The following PEX5L variants were observed in gnomAD, a reference collection of about 807,000 sequenced individuals.
PEX5L encodes the protein PEX5-related protein.
Under a neutral mutation model 84.0 loss-of-function variants are expected in PEX5L, and 30 were observed. The observed-to-expected ratio is 0.36, with a 90% CI of 0.27 to 0.48. PEX5L has a LOEUF of 0.48. Ranked by LOEUF, PEX5L falls within the 20% of genes least tolerant of loss-of-function variation. The pLI, the probability that PEX5L is intolerant of heterozygous loss-of-function variation, is 0.99. For missense variants in PEX5L, 533 were observed against 754.6 expected, an observed-to-expected ratio of 0.71 and a Z score of 3.44; for synonymous variants, 270 against 283.1, an observed-to-expected ratio of 0.95 and a Z score of 0.46.
At chr3:180,026,012 T>G (rs1023317681) in intron 1 of PEX5L, among the ~76,000 whole-genome samples, 2 of 152,162 alleles carry the variant, frequency 1.3e-5, no homozygotes, top group Non-Finnish European at 2.9e-5. Context: ...GAAGCCATGG[T>G]TTGAACTTGG....
intron 2 of PEX5L, among the ~76,000 whole-genome samples, chr3:179,937,326 T>A (rs1426978792): frequency 6.6e-6 from 1 of 152,152 alleles, no homozygotes; most frequent in Non-Finnish European, 1.5e-5. Context: ...TAATGTAAGA[T>A]GTTAACAGTA....
intron 7 of PEX5L, among the ~76,000 whole-genome samples, 178 bp from the exon 8 acceptor site, chr3:179,859,335 A>C (rs1397306504): frequency 6.6e-6 from 1 of 152,142 alleles, no homozygotes; most frequent in Non-Finnish European, 1.5e-5. Context: ...TGCTGTCAAA[A>C]TGTGTGTGAG....
intron 3 of PEX5L, among the ~76,000 whole-genome samples, chr3:179,897,146 T>C (rs1466768173): frequency 6.6e-6 from 1 of 152,170 alleles, no homozygotes. Context: ...TCCGCTGATA[T>C]TCTAAAAATA....
At position 179,854,732 on chromosome 3, in the gene PEX5L, A is replaced by T. The variant is rs572763936; in HGVS notation, c.822+4330T>A. On this transcript the variant is annotated intron_variant, in intron 8 of 14. Transcript: ENST00000467460. ...TCATTCATCCATCCATTCAGTCAAC[A>T]AATATTTATTGATTATTCGTAGGCA... Among the ~76,000 whole-genome samples, 51 of 152,342 alleles carry T rather than the reference A, an allele frequency of 3.3e-4. No individual in the cohort carries two copies. In the South Asian group the frequency reaches 1.0e-2, roughly 30 times the overall value.
chr3:179,810,175 A>G (rs1296965695), intron 11 of PEX5L, among the ~76,000 whole-genome samples: 1 of 151,582 alleles, frequency 6.6e-6, no homozygotes, highest in African/African-American at 2.4e-5. Context: ...ACACCCAGCT[A>G]ATTTTGTATT....
chr3:179,898,159 G>A lies in PEX5L; in HGVS notation c.181C>T (p.Leu61Phe), dbSNP rs779102712. Residue 61 changes from leucine to phenylalanine, a missense_variant, in exon 3 of 15, where the codon CTT (leucine) becomes TTT (phenylalanine). Transcript: ENST00000467460. Reference protein sequence around the residue: ...REESAEEKPLLTMTSQLVNEQ... With the variant: ...REESAEEKPLFTMTSQLVNEQ... ...CTGCCCACCTGTGATGTCATAGTAA[G>A]GAGGGGCTTTTCTTCAGCAGACTCC... The A allele has an allele frequency of 6.2e-7, 1 of 1,611,792 alleles. No homozygotes were observed. The highest frequency in any genetic ancestry group is 8.5e-7 in the Non-Finnish European group (1 of 1,178,046).
intron 2 of PEX5L, among the ~76,000 whole-genome samples, chr3:179,965,182 A>G (rs1285564524): frequency 1.3e-5 from 2 of 152,250 alleles, no homozygotes; most frequent in Non-Finnish European, 2.9e-5. Context: ...CCGAATGTCT[A>G]ATAGTAAACC....
chr3:179,988,367 C>T (rs1453304390), intron 1 of PEX5L, among the ~76,000 whole-genome samples: 4 of 145,374 alleles, frequency 2.8e-5, no homozygotes, highest in East Asian at 2.0e-4. Context: ...TGCCACTGGG[C>T]GACAGAGTGA....
At chr3:179,870,166 A>C (rs1384307166) in intron 7 of PEX5L, among the ~76,000 whole-genome samples, 1 of 152,238 alleles carries the variant, frequency 6.6e-6, no homozygotes, top group Non-Finnish European at 1.5e-5. Flanking sequence ...GCTAATAGTC[A>C]CATAGCAGTA....
At chr3:179,853,009 A>T (rs1410780422) in intron 8 of PEX5L, among the ~76,000 whole-genome samples, 1 of 152,184 alleles carries the variant, frequency 6.6e-6, no homozygotes, top group East Asian at 1.9e-4. Flanking sequence ...TCCAGTAAAA[A>T]TTTGCACCAG....
intron 2 of PEX5L, among the ~76,000 whole-genome samples, chr3:179,925,576 T>A (rs953391376): frequency 6.6e-6 from 1 of 152,234 alleles, no homozygotes; most frequent in African/African-American, 2.4e-5. Flanking sequence ...AGTTATAAGA[T>A]TATATTTACT....
intron 1 of PEX5L, among the ~76,000 whole-genome samples, chr3:179,984,395 TG>T (rs535675118): frequency 1.0e-3 from 154 of 152,250 alleles, no homozygotes; most frequent in Non-Finnish European, 3.7e-4. Flanking sequence ...TGTGTATGTG[TG>T]TATACATGTA....
chr3:179,891,475 A>G (rs982680362), intron 3 of PEX5L, among the ~76,000 whole-genome samples: 1 of 152,180 alleles, frequency 6.6e-6, no homozygotes. Context: ...TTGATGGGAG[A>G]TACGGAAGAT....
At chr3:179,902,805 C>T (rs376233072) in intron 2 of PEX5L, 1 of 377,404 alleles carries the variant, frequency 2.6e-6, no homozygotes, top group African/African-American at 2.1e-5. Flanking sequence ...TTTTAAAACT[C>T]TCAACAATTA....
chr3:179,932,190 G>A (rs1214916415), intron 2 of PEX5L, among the ~76,000 whole-genome samples: 2 of 152,080 alleles, frequency 1.3e-5, no homozygotes, highest in African/African-American at 4.8e-5. Flanking sequence ...AGATCTCCAG[G>A]ACATAGGGAG....
chr3:179,872,392 T>TA (rs1014247082), intron 7 of PEX5L, among the ~76,000 whole-genome samples: 5 of 152,168 alleles, frequency 3.3e-5, no homozygotes, highest in African/African-American at 1.2e-4. Context: ...GCAATGTTTT[T>TA]AAAAAAACAA....
intron 1 of PEX5L, among the ~76,000 whole-genome samples, chr3:179,999,779 AG>A (rs1385246631): frequency 6.6e-6 from 1 of 152,184 alleles, no homozygotes; most frequent in Non-Finnish European, 1.5e-5. Flanking sequence ...TGGCTAAAGA[AG>A]TGTGGCAGTG....
At chr3:179,999,114 G>A (rs960020187) in intron 1 of PEX5L, among the ~76,000 whole-genome samples, 6 of 152,214 alleles carry the variant, frequency 3.9e-5, no homozygotes, top group African/African-American at 9.6e-5. Flanking sequence ...CTGATTCATG[G>A]GCTGTAGCCA....
At position 179,840,187 on chromosome 3, in the gene PEX5L, T is replaced by TG. The variant is rs1184595429; in HGVS notation, c.822+18874_822+18875insC. 8.0e-5 allele frequency among the ~76,000 whole-genome samples: 9 copies of TG among 112,976 alleles called. No homozygotes were observed. The East Asian group carries it at 1.3e-3, about 16-fold the overall frequency. The allele number at this position is 112,976 out of a possible 152,430, so 74.1% of individuals were successfully genotyped here. On this transcript the variant is annotated intron_variant, in intron 8 of 14. Transcript: ENST00000467460. ...TGTGTGTGTGTGTGTGTGTGTGTTT[T>TG]TTTTTTTTTTTTTTTTTTGAGATGG... is the stretch of plus-strand genomic sequence containing the variant.
Sources: gnomAD v4.1 joint callset for allele counts (sites outside exome capture counted in the v4.1 genomes callset) on GRCh38, gnomAD v4.1.1 for gene constraint, MANE v1.5 for transcripts, NCBI Gene and HGNC (gene_info 2026-07-23, HGNC 2026-07-21) for gene names.